GPC5: variants seen among roughly 807,000 people sequenced by gnomAD.
GPC5 encodes glypican-5.
A neutral mutation model predicts 53.9 loss-of-function variants in GPC5; 47 were observed. The observed-to-expected ratio is 0.87, with a 90% CI of 0.69 to 1.11. The LOEUF (loss-of-function observed/expected upper bound fraction) is 1.11, where lower values mean the gene tolerates loss of function less well. Ranked by LOEUF, GPC5 falls within the 50% of genes most tolerant of loss-of-function variation. The pLI is 0.00. For synonymous variants in GPC5, 286 were observed against 263.3 expected, an observed-to-expected ratio of 1.09 and a Z score of -0.84; for missense variants, 748 against 713.1, an observed-to-expected ratio of 1.05 and a Z score of -0.56.
At chr13:91,438,157 A>G (rs1880132868) in intron 1 of GPC5, among the ~76,000 whole-genome samples, 1 of 151,958 alleles carries the variant, frequency 6.6e-6, no homozygotes, top group Non-Finnish European at 1.5e-5. Flanking sequence ...GCCTTTTCTC[A>G]ACTCATCAAA....
chr13:92,280,201 A>G (rs1037221648), intron 7 of GPC5, among the ~76,000 whole-genome samples: 3 of 152,092 alleles, frequency 2.0e-5, no homozygotes, highest in Admixed American at 2.0e-4. Context: ...CAATTCTTGT[A>G]ATTGCTATAA....
At chr13:91,603,141 A>G in intron 2 of GPC5, among the ~76,000 whole-genome samples, 1 of 152,214 alleles carries the variant, frequency 6.6e-6, no homozygotes, top group East Asian at 1.9e-4. Flanking sequence ...CTGGCCATGT[A>G]TTACTGGAGC....
rs545764940 is a variant in GPC5, at chr13:91,635,814, A to AT, written c.326-57368dup. Among the ~76,000 whole-genome samples, 341 of 152,082 alleles carry AT rather than the reference A, an allele frequency of 2.2e-3. 1 individual carries two copies. Among genetic ancestry groups the AT allele is most frequent in the African/African-American group, 7.8e-3 (322 of 41,518 alleles). ...TTTAGAATTATATTGTCAGTTTCAT[A>AT]TTTTTCACTCCCTTGGGATTTTATT... is the stretch of plus-strand genomic sequence containing the variant. On this transcript the variant is annotated intron_variant, in intron 2 of 7. Transcript: ENST00000377067.
intron 7 of GPC5, among the ~76,000 whole-genome samples, chr13:92,863,285 A>G (rs1879238235): frequency 1.3e-5 from 2 of 152,142 alleles, no homozygotes; most frequent in South Asian, 2.1e-4. Flanking sequence ...TGGTCACTTA[A>G]CTTTCTAGTG....
intron 6 of GPC5, among the ~76,000 whole-genome samples, chr13:91,945,427 A>T (rs779548397): frequency 8.5e-5 from 13 of 152,134 alleles, no homozygotes; most frequent in Non-Finnish European, 1.6e-4. Flanking sequence ...CTTAAAATTT[A>T]TGTTGGAATG....
intron 7 of GPC5, among the ~76,000 whole-genome samples, chr13:92,444,287 C>A (rs553465141): frequency 6.6e-6 from 1 of 152,182 alleles, no homozygotes; most frequent in South Asian, 2.1e-4. Flanking sequence ...TCAGGAATAA[C>A]CTGCAGAAAT....
chr13:92,440,261 C>T (rs1194648553), intron 7 of GPC5, among the ~76,000 whole-genome samples: 3 of 152,164 alleles, frequency 2.0e-5, no homozygotes, highest in Admixed American at 1.3e-4. Flanking sequence ...CCCTCTCTCT[C>T]CATTGTAGTA....
chr13:91,496,857 C>T (rs193035021), intron 2 of GPC5, among the ~76,000 whole-genome samples: 2 of 152,218 alleles, frequency 1.3e-5, no homozygotes, highest in African/African-American at 4.8e-5. Flanking sequence ...TTACACATTG[C>T]ATGCCTGTAT....
chr13:91,647,268 A>C lies in GPC5; in HGVS notation c.326-45919A>C, dbSNP rs537556545. Among the ~76,000 whole-genome samples the C allele has an allele frequency of 2.5e-3, 388 of 152,316 alleles. 1 individual carries two copies. Among genetic ancestry groups the C allele is most frequent in the African/African-American group, 8.9e-3 (371 of 41,568 alleles). On this transcript the variant is annotated intron_variant, in intron 2 of 7. Transcript: ENST00000377067. Reference sequence around the variant, plus strand: ...GCTGATTGCTTCATGGAAAAAGTGCATGGTGAAGTTCTATAGGTTAGCACT... The same window carrying C: ...GCTGATTGCTTCATGGAAAAAGTGCCTGGTGAAGTTCTATAGGTTAGCACT...
chr13:91,502,846 A>G (rs562612327), intron 2 of GPC5, among the ~76,000 whole-genome samples: 8 of 152,334 alleles, frequency 5.3e-5, no homozygotes, highest in African/African-American at 1.9e-4. Flanking sequence ...CAAAGCTCAG[A>G]GTATGTATAA....
At chr13:92,305,363 A>C (rs2043104048) in intron 7 of GPC5, among the ~76,000 whole-genome samples, 1 of 152,204 alleles carries the variant, frequency 6.6e-6, no homozygotes, top group Non-Finnish European at 1.5e-5. Flanking sequence ...AAAAGTCTCA[A>C]ATACCTAACC....
chr13:91,478,822 T>TATATACACACAC (rs1323023652), intron 2 of GPC5, among the ~76,000 whole-genome samples: 10 of 92,174 alleles, frequency 1.1e-4, no homozygotes, highest in African/African-American at 5.2e-4. Context: ...TATATATATA[T>TATATACACACAC]ACACACACAC....
chr13:92,451,893 C>T (rs1418986751), intron 7 of GPC5, among the ~76,000 whole-genome samples: 4 of 152,082 alleles, frequency 2.6e-5, no homozygotes, highest in Admixed American at 6.5e-5. Context: ...GTAAATCATA[C>T]GTTTAGTACA....
chr13:92,100,943 A>T (rs2138911728), intron 6 of GPC5, among the ~76,000 whole-genome samples: 1 of 152,324 alleles, frequency 6.6e-6, no homozygotes, highest in Middle Eastern at 3.4e-3. Flanking sequence ...TCAAAATGCA[A>T]AGTGAATGTT....
chr13:92,016,263 A>G (rs1173886281), intron 6 of GPC5, among the ~76,000 whole-genome samples: 3 of 152,240 alleles, frequency 2.0e-5, no homozygotes, highest in Non-Finnish European at 4.4e-5. Context: ...AGTATTTCCA[A>G]TATGTCAGAC....
intron 7 of GPC5, among the ~76,000 whole-genome samples, chr13:92,642,192 G>A (rs1308712887): frequency 6.6e-6 from 1 of 152,160 alleles, no homozygotes; most frequent in Non-Finnish European, 1.5e-5. Flanking sequence ...GAATGGTAGG[G>A]CCCACCTACA....
intron 6 of GPC5, among the ~76,000 whole-genome samples, chr13:92,136,303 C>G (rs2041783755): frequency 6.6e-6 from 1 of 151,942 alleles, no homozygotes; most frequent in African/African-American, 2.4e-5. Flanking sequence ...ATTGCAGATG[C>G]CAATTACCTT....
At chr13:91,641,577 T>C (rs1379112579) in intron 2 of GPC5, among the ~76,000 whole-genome samples, 1 of 152,262 alleles carries the variant, frequency 6.6e-6, no homozygotes, top group African/African-American at 2.4e-5. Flanking sequence ...TTTACCTATG[T>C]AGCAAACCTG....
chr13:92,632,952 G>T (rs899585120), intron 7 of GPC5, among the ~76,000 whole-genome samples: 2 of 152,212 alleles, frequency 1.3e-5, no homozygotes, highest in East Asian at 1.9e-4. Context: ...GCACAATGGC[G>T]CTATCTTGGC....
Sources: allele counts gnomAD v4.1 joint callset (sites outside exome capture counted in the v4.1 genomes callset), GRCh38; gene constraint gnomAD v4.1.1; transcripts MANE v1.5; gene names NCBI Gene and HGNC (gene_info 2026-07-23, HGNC 2026-07-21).